Variants in GOLGA8J observed in about 807,000 individuals in gnomAD.
GOLGA8J encodes the protein golgin A8 family member J.
A neutral mutation model predicts 67.7 loss-of-function variants in GOLGA8J; 19 were observed. The observed-to-expected ratio is 0.28, with a 90% confidence interval of 0.20 to 0.41. The LOEUF is 0.41. GOLGA8J is among the 10% of genes least tolerant of loss of function. The pLI is 1.00. For synonymous variants in GOLGA8J, 69 were observed against 215.9 expected, an observed-to-expected ratio of 0.32 and a Z score of 5.97; for missense variants, 205 against 584.3, an observed-to-expected ratio of 0.35 and a Z score of 6.69.
At position 30,094,624 on chromosome 15, in the gene GOLGA8J, G is replaced by A. The variant is rs1030010293; in HGVS notation, c.*1125G>A. On this transcript the variant is annotated 3_prime_UTR_variant, in exon 19 of 19. Coordinates refer to ENST00000567927, the MANE Select transcript of GOLGA8J (RefSeq NM_001282472.2). ...ACACCTGGCATTCCTCTCTGTTCACGGAGATTCTTTGAGGCTTGAAGATTG... is the reference window on the plus strand; with the variant it reads ...ACACCTGGCATTCCTCTCTGTTCACAGAGATTCTTTGAGGCTTGAAGATTG... Among the ~76,000 whole-genome samples the A allele has an allele frequency of 5.1e-4, 65 of 126,938 alleles. 6 individuals are homozygous for A. The highest frequency in any genetic ancestry group is 7.0e-4 in the South Asian group (3 of 4,290). 83.3% of individuals were successfully genotyped at this position (126,938 alleles called of 152,430 possible). A position where few individuals can be genotyped will look rare whatever the true frequency, so the allele number is the denominator to read the frequency against.
At position 30,095,007 on chromosome 15, in the gene GOLGA8J, G is replaced by T. The variant is rs1385901605; in HGVS notation, c.*1508G>T. Among the ~76,000 whole-genome samples, 14 of 145,098 alleles carry T rather than the reference G, an allele frequency of 9.6e-5. No homozygotes were observed. The highest frequency in any genetic ancestry group is 1.6e-4 in the Non-Finnish European group (11 of 67,348). Reference sequence around the variant, plus strand: ...AGTGAAATATGTTTTTGTACCTCTGGGTTTCTGTTCGGGACATATTTTGTG... The same window carrying T: ...AGTGAAATATGTTTTTGTACCTCTGTGTTTCTGTTCGGGACATATTTTGTG... On this transcript the variant is annotated 3_prime_UTR_variant, in exon 19 of 19. Coordinates refer to ENST00000567927, the MANE Select transcript of GOLGA8J (RefSeq NM_001282472.2).
intron 2 of GOLGA8J, among the ~76,000 whole-genome samples, chr15:30,085,206 TG>T (rs1368651538): frequency 1.5e-5 from 1 of 66,166 alleles, no homozygotes; most frequent in Non-Finnish European, 2.4e-5. Flanking sequence ...GGTGTGAACC[TG>T]GGAGGTGGAG....
chr15:30,092,056 C>A lies in GOLGA8J; in HGVS notation c.1291C>A (p.His431Asn). Residue 431 changes from histidine (H) to asparagine (N), a missense_variant, in exon 15 of 19, where the codon CAT becomes AAT. Transcript: ENST00000567927. ...ACCCCCCACAGGACACGGAGGAGAA[C>A]ATCTGGACAGTGAGGGGGAGGAGGC... ...ALPGEGHGGE[H>N]LDSEGEEAPR... is the part of the protein sequence containing the mutation. 1 of 1,598,488 alleles carries A rather than the reference C, an allele frequency of 6.3e-7. No homozygotes were observed. The highest frequency in any genetic ancestry group is 8.5e-7 in the Non-Finnish European group (1 of 1,174,290).
In GOLGA8J at chr15:30,089,944, C is replaced by G. The variant is rs1305443125; in HGVS notation, c.1119C>G (p.Val373=). ...AGCAGCTGGCCAAGCCACAGAGCGTCTTCAAGGAGCCGGTGCGTTGCCCAA... is the reference window on the plus strand; with the variant it reads ...AGCAGCTGGCCAAGCCACAGAGCGTGTTCAAGGAGCCGGTGCGTTGCCCAA... ...SLQQLAKPQS[V]FKEPNNENKN... Residue 373 remains valine, a synonymous_variant, in exon 12 of 19, where the codon GTC becomes GTG. Coordinates refer to ENST00000567927, the MANE Select transcript of GOLGA8J (RefSeq NM_001282472.2). The G allele has an allele frequency of 6.5e-7, 1 of 1,536,572 alleles. No homozygotes were observed. The highest frequency in any genetic ancestry group is 2.3e-5 in the East Asian group (1 of 43,562).
At chr15:30,089,383 C>A in intron 11 of GOLGA8J, 60 bp downstream of exon 11, 1 of 545,174 alleles carries the variant, frequency 1.8e-6, no homozygotes, top group Non-Finnish European at 3.1e-6. Flanking sequence ...GTGAGGGTGG[C>A]TTAGAGTGCC....
rs1208998547 is a variant in GOLGA8J at position 30,094,429 on chromosome 15, C to A, written c.*930C>A. Among the ~76,000 whole-genome samples, 1 of 145,056 alleles carries A rather than the reference C, an allele frequency of 6.9e-6. No homozygotes were observed. Among genetic ancestry groups the A allele is most frequent in the Non-Finnish European group, 1.5e-5 (1 of 67,488 alleles). Reference sequence around the variant, plus strand: ...CATTTTAAAGTCAGAGTTCATGTTACCTGTTTTAATCACATGACTACATGT... The same window carrying A: ...CATTTTAAAGTCAGAGTTCATGTTAACTGTTTTAATCACATGACTACATGT... On this transcript the variant is annotated 3_prime_UTR_variant, in exon 19 of 19. Transcript: ENST00000567927.
chr15:30,093,252 C>T lies in GOLGA8J; in HGVS notation c.1723+13C>T. ...GACAAGCATGGTCGTGAGTAGAGCCCTCAGGTGGGGTGGGCAGGCAGGAAG... is the reference window on the plus strand; with the variant it reads ...GACAAGCATGGTCGTGAGTAGAGCCTTCAGGTGGGGTGGGCAGGCAGGAAG... On this transcript the variant is annotated intron_variant, in intron 18 of 18. Coordinates refer to ENST00000567927, the MANE Select transcript of GOLGA8J (RefSeq NM_001282472.2). 6.3e-7 allele frequency: 1 copy of T among 1,583,386 alleles called. No homozygotes were observed. Among genetic ancestry groups the T allele is most frequent in the Non-Finnish European group, 8.5e-7 (1 of 1,173,032 alleles).
At chr15:30,084,723 G>C in intron 1 of GOLGA8J, 48 bp from the exon 2 acceptor site, 1 of 776,348 alleles carries the variant, frequency 1.3e-6, no homozygotes, top group South Asian at 2.0e-5. Flanking sequence ...GGATGTGGCT[G>C]TAGGGGCTGA....
intron 8 of GOLGA8J, chr15:30,087,939 G>C (rs2057352682): frequency 1.6e-6 from 1 of 635,790 alleles, no homozygotes; most frequent in South Asian, 1.5e-5. Flanking sequence ...TTACCTGTCT[G>C]TGGTCTTGGG....
intron 8 of GOLGA8J, among the ~76,000 whole-genome samples, 181 bp from the exon 9 acceptor site, chr15:30,088,559 T>TCCGTGTC (rs2057361578): frequency 6.8e-6 from 1 of 147,904 alleles, no homozygotes; most frequent in Non-Finnish European, 1.5e-5. Context: ...ATAAACTCAG[T>TCCGTGTC]CTCATTCCCT....
rs1162977733 is a variant in GOLGA8J, at chr15:30,094,833, G to A, written c.*1334G>A. Among the ~76,000 whole-genome samples the A allele has an allele frequency of 1.4e-5, 2 of 138,764 alleles. No homozygotes were observed. Among genetic ancestry groups the A allele is most frequent in the East Asian group, 2.1e-4 (1 of 4,810 alleles). 91.0% of individuals were successfully genotyped at this position (138,764 alleles called of 152,430 possible). On this transcript the variant is annotated 3_prime_UTR_variant, in exon 19 of 19. Transcript: ENST00000567927. The stretch of plus-strand genomic sequence containing the variant: ...AAAAGGAGTTTTAGTAGACGGTATT[G>A]TACTCTCTTTGAAAATCAAGGAGAA...
chr15:30,089,741 G>A lies in GOLGA8J; in HGVS notation c.916G>A (p.Val306Met). ...GGAGCCCCCAGCAGTGCCCTCTGAGGTGGAGCTGCAGCACCTGAGGAAGGA... is the reference window on the plus strand; with the variant it reads ...GGAGCCCCCAGCAGTGCCCTCTGAGATGGAGCTGCAGCACCTGAGGAAGGA... ...PPEPPAVPSE[V>M]ELQHLRKELE... The change falls in exon 12 of 19, where the codon GTG becomes ATG. Residue 306 changes from valine (V) to methionine (M), a missense_variant. By Grantham distance (21) the Val-to-Met change is conservative. Coordinates refer to ENST00000567927, the MANE Select transcript of GOLGA8J (RefSeq NM_001282472.2). 1 of 1,532,626 alleles carries A rather than the reference G, an allele frequency of 6.5e-7. No homozygotes were observed. Among genetic ancestry groups the A allele is most frequent in the South Asian group, 1.2e-5 (1 of 86,168 alleles). 94.9% of individuals were successfully genotyped at this position (1,532,626 alleles called of 1,614,324 possible).
chr15:30,088,781 G>A lies in GOLGA8J; in HGVS notation c.633G>A (p.Glu211=). 6.6e-7 allele frequency: 1 copy of A among 1,520,764 alleles called. No individual in the cohort carries two copies. The highest frequency in any genetic ancestry group is 1.1e-5 in the South Asian group (1 of 88,152). The allele number at this position is 1,520,764 out of a possible 1,614,324, so 94.2% of individuals were successfully genotyped here. A position where few individuals can be genotyped will look rare whatever the true frequency, so the allele number is the denominator to read the frequency against. The change falls in exon 9 of 19, where the codon GAG becomes GAA. Residue 211 remains glutamate (E), a synonymous_variant. Transcript: ENST00000567927. ...RSKARTEWKL[E]QSMREEALLK... Reference sequence around the variant, plus strand: ...AAGCACGTACGGAGTGGAAGTTAGAGCAGTCCATGCGGGAGGAGGCACTAC... The same window carrying A: ...AAGCACGTACGGAGTGGAAGTTAGAACAGTCCATGCGGGAGGAGGCACTAC...
intron 8 of GOLGA8J, chr15:30,088,058 T>A (rs1364320689): frequency 4.8e-6 from 2 of 420,558 alleles, no homozygotes; most frequent in African/African-American, 5.5e-5. Context: ...TGTGCGTGTG[T>A]GTGTGTGTGT....
At chr15:30,092,247 C>G in intron 15 of GOLGA8J, 114 bp downstream of exon 15, 1 of 900,970 alleles carries the variant, frequency 1.1e-6, no homozygotes, top group Non-Finnish European at 1.7e-6. Flanking sequence ...TCACCCCTTC[C>G]GAGAGCCAGT....
At position 30,092,122 on chromosome 15, in the gene GOLGA8J, A is replaced by C. The variant is rs753728149; in HGVS notation, c.1357A>C (p.Arg453=). Residue 453 remains arginine, a synonymous_variant, in exon 15 of 19, where the codon AGG becomes CGG. Coordinates refer to ENST00000567927, the MANE Select transcript of GOLGA8J (RefSeq NM_001282472.2). ...GAGTGTCCCAGAGGACCCGGAGAGC[A>C]GGGAGGCCATGGTGAGCCTGACTCC... ...MPSVPEDPES[R]EAMSSFMDHL... The C allele has an allele frequency of 1.2e-4, 180 of 1,538,100 alleles. No individual in the cohort carries two copies. The Middle Eastern group carries it at 2.3e-3, about 20-fold the overall frequency.
chr15:30,095,487 C>G lies in GOLGA8J; in HGVS notation c.*1988C>G, dbSNP rs1463477125. On this transcript the variant is annotated 3_prime_UTR_variant, in exon 19 of 19. Coordinates refer to ENST00000567927, the MANE Select transcript of GOLGA8J (RefSeq NM_001282472.2). Reference sequence around the variant, plus strand: ...TAGACCAAATAATGCAGCTAATTAACAGTGGTACGATTTGTAGCCCGTGGG... The same window carrying G: ...TAGACCAAATAATGCAGCTAATTAAGAGTGGTACGATTTGTAGCCCGTGGG... 1.4e-5 allele frequency among the ~76,000 whole-genome samples: 2 copies of G among 145,912 alleles called. No individual in the cohort carries two copies. The highest frequency in any genetic ancestry group is 3.0e-5 in the Non-Finnish European group (2 of 67,040).
Position 30,096,024 on chromosome 15 carries a change from T to C in GOLGA8J, c.*2525T>C, listed in dbSNP as rs967703763. Among the ~76,000 whole-genome samples, 2 of 133,088 alleles carry C rather than the reference T, an allele frequency of 1.5e-5. No individual in the cohort carries two copies. The highest frequency in any genetic ancestry group is 7.0e-5 in the Admixed American group (1 of 14,252). 87.3% of individuals were successfully genotyped at this position (133,088 alleles called of 152,430 possible). Reference sequence around the variant, plus strand: ...AACTCAAGTCTTTCTCCAAAGTGCATGCAGTCTTTTGCGATACCTCATTCA... The same window carrying C: ...AACTCAAGTCTTTCTCCAAAGTGCACGCAGTCTTTTGCGATACCTCATTCA... On this transcript the variant is annotated 3_prime_UTR_variant, in exon 19 of 19. Transcript: ENST00000567927.
chr15:30,089,598 A>C (rs1222530409), intron 11 of GOLGA8J, 102 bp from the exon 12 acceptor site: 4 of 602,198 alleles, frequency 6.6e-6, no homozygotes, highest in Non-Finnish European at 8.5e-6. Context: ...AATCATTAGC[A>C]GTGAGGCCAA....
Sources: allele counts gnomAD v4.1 joint callset (sites outside exome capture counted in the v4.1 genomes callset), GRCh38; gene constraint gnomAD v4.1.1; transcripts MANE v1.5; gene names NCBI Gene and HGNC (gene_info 2026-07-23, HGNC 2026-07-21).